The following DNAJA3 variants were observed in gnomAD, a reference collection of about 807,000 sequenced individuals.
DNAJA3 encodes the protein DnaJ heat shock protein family (Hsp40) member A3.
A neutral mutation model predicts 54.9 loss-of-function variants in DNAJA3; 29 were observed. The observed-to-expected ratio is 0.53, with a 90% CI of 0.39 to 0.72. The LOEUF (loss-of-function observed/expected upper bound fraction) is 0.72. Ranked by LOEUF, DNAJA3 falls within the 30% of genes least tolerant of loss-of-function variation. The pLI, the probability that DNAJA3 is intolerant of heterozygous loss-of-function variation, is 0.00. For missense variants in DNAJA3, 708 were observed against 639.4 expected (o/e 1.11, Z -1.16); for synonymous variants, 302 against 251.4 (o/e 1.20, Z -1.90).
chr16:4,454,914 A>G lies in DNAJA3; in HGVS notation c.1443A>G (p.Ter481TrpextTer12). ...LSKLKKMFTS* is the reference protein window; with the variant it reads ...LSKLKKMFTSW ...AACTTAAGAAAATGTTTACCTCATG[A>G]TATCCCAGCCGAGGTAGGAAAACCC... Residue 481 changes from the stop codon to tryptophan (W), a stop_lost, in exon 11 of 12, where the codon TGA (stop) becomes TGG (tryptophan). Coordinates refer to ENST00000262375, the MANE Select transcript of DNAJA3 (RefSeq NM_005147.6). 1 of 1,610,910 alleles carries G rather than the reference A, an allele frequency of 6.2e-7. No homozygotes were observed. Among genetic ancestry groups the G allele is most frequent in the Non-Finnish European group, 8.5e-7 (1 of 1,177,288 alleles).
intron 8 of DNAJA3, among the ~76,000 whole-genome samples, chr16:4,448,131 C>T (rs1266639558): frequency 2.7e-5 from 4 of 145,846 alleles, no homozygotes; most frequent in African/African-American, 5.2e-5. Context: ...CAGGTTCAAG[C>T]GATTCCCACC....
intron 4 of DNAJA3, among the ~76,000 whole-genome samples, chr16:4,441,783 T>G (rs550971602): frequency 9.9e-5 from 15 of 152,276 alleles, no homozygotes; most frequent in African/African-American, 3.1e-4. Flanking sequence ...TCTTAACAGT[T>G]GCATAATGAG....
chr16:4,443,750 G>C (rs540548380), intron 6 of DNAJA3, among the ~76,000 whole-genome samples: 36 of 151,368 alleles, frequency 2.4e-4, no homozygotes, highest in Admixed American at 7.2e-4. Context: ...GCAGTGGCCC[G>C]ATCTCGGCCC....
intron 1 of DNAJA3, among the ~76,000 whole-genome samples, chr16:4,428,282 G>A (rs1186352171): frequency 6.6e-6 from 1 of 152,062 alleles, no homozygotes; most frequent in Non-Finnish European, 1.5e-5. Context: ...CTCTTGCTCT[G>A]TTGCCCAGGC....
In DNAJA3 at chr16:4,445,917, CTTTTTTTTCTT is replaced by C. The variant is rs200222646; in HGVS notation, c.997-958_997-948del. 1.2e-3 allele frequency among the ~76,000 whole-genome samples: 173 copies of C among 149,374 alleles called. No homozygotes were observed. In the Middle Eastern group the frequency reaches 0.014, roughly 12 times the overall value. On this transcript the variant is annotated intron_variant, in intron 7 of 11. Transcript: ENST00000262375. ...TGCTTGTTATATTATTTACTCTTCC[CTTTTTTTTCTT>C]TTTTTTTTCTGGAAAGAGAGTCTTG... is the stretch of plus-strand genomic sequence containing the variant.
chr16:4,441,084 G>A (rs991200176), intron 3 of DNAJA3: 5 of 482,910 alleles, frequency 1.0e-5, no homozygotes, highest in Non-Finnish European at 1.8e-5. Flanking sequence ...AGAATCCAGG[G>A]TGCCTGTGAG....
intron 1 of DNAJA3, 67 bp downstream of exon 1, chr16:4,426,159 T>G: frequency 7.0e-7 from 1 of 1,423,736 alleles, no homozygotes; most frequent in Admixed American, 2.6e-5. Context: ...CTCCTCGCTG[T>G]GACTACGGCT....
At chr16:4,437,963 A>T (rs1396963557) in intron 3 of DNAJA3, among the ~76,000 whole-genome samples, 1 of 151,806 alleles carries the variant, frequency 6.6e-6, no homozygotes, top group Non-Finnish European at 1.5e-5. Context: ...CTCAAAAAAT[A>T]AAAAATTAAA....
At chr16:4,430,870 T>C (rs934302471) in intron 1 of DNAJA3, 8 of 151,958 alleles carry the variant, frequency 5.3e-5, no homozygotes, top group African/African-American at 1.7e-4. Context: ...ATGGTGAAAC[T>C]TCTTACCTAC....
intron 3 of DNAJA3, among the ~76,000 whole-genome samples, chr16:4,439,718 A>G (rs1596364615): frequency 6.6e-6 from 1 of 152,126 alleles, no homozygotes; most frequent in East Asian, 1.9e-4. Flanking sequence ...TTCCTTGGGA[A>G]GGGCTGGAAC....
chr16:4,442,123 A>G (rs2056843240), intron 4 of DNAJA3, 145 bp from the exon 5 acceptor site: 2 of 778,030 alleles, frequency 2.6e-6, no homozygotes, highest in East Asian at 2.8e-5. Flanking sequence ...AGTCCTACCT[A>G]TGCTTACTTG....
At chr16:4,442,064 T>C (rs1257677797) in intron 4 of DNAJA3, among the ~76,000 whole-genome samples, 2 of 152,222 alleles carry the variant, frequency 1.3e-5, no homozygotes, top group African/African-American at 4.8e-5. Flanking sequence ...ATTTAAGTCA[T>C]ACATTATCTC....
intron 3 of DNAJA3, 22 bp from the exon 4 acceptor site, chr16:4,441,352 AG>A (rs753015474): frequency 3.8e-6 from 6 of 1,599,824 alleles, no homozygotes; most frequent in Middle Eastern, 2.1e-4. Flanking sequence ...TGGGATGCCC[AG>A]TGGCTCTGCC....
intron 10 of DNAJA3, among the ~76,000 whole-genome samples, chr16:4,451,569 C>A (rs1219132058): frequency 6.6e-6 from 1 of 151,638 alleles, no homozygotes; most frequent in Non-Finnish European, 1.5e-5. Flanking sequence ...CCAGCCTGGA[C>A]AGCATGGCGA....
chr16:4,455,894 C>T lies in DNAJA3; in HGVS notation c.*362C>T, dbSNP rs2057030055. On this transcript the variant is annotated 3_prime_UTR_variant, in exon 12 of 12. Transcript: ENST00000262375. ...TCTTAGTTAAAGGCCATGCTTACAGCTTAGAAATGAAGCCTTAAGCTGCAT... is the reference window on the plus strand; with the variant it reads ...TCTTAGTTAAAGGCCATGCTTACAGTTTAGAAATGAAGCCTTAAGCTGCAT... 6.4e-6 allele frequency: 3 copies of T among 466,200 alleles called. No homozygotes were observed. The highest frequency in any genetic ancestry group is 3.3e-5 in the East Asian group (1 of 30,090). The allele number at this position is 466,200 out of a possible 1,614,324, so 28.9% of individuals were successfully genotyped here.
Position 4,443,051 on chromosome 16 carries a change from C to T in DNAJA3, c.818C>T (p.Ser273Phe). The T allele has an allele frequency of 6.2e-7, 1 of 1,614,032 alleles. No homozygotes were observed. The highest frequency in any genetic ancestry group is 8.5e-7 in the Non-Finnish European group (1 of 1,180,006). ...TINTGPFVMR[S>F]TCRRCGGRGS... ...AACACAGGCCCTTTTGTGATGCGTT[C>T]CACGTGTAGGAGATGTGGTGGCCGC... The change falls in exon 6 of 12, where the codon TCC becomes TTC. Residue 273 changes from serine to phenylalanine, a missense_variant. By Grantham distance (155) the Ser-to-Phe change is radical. Transcript: ENST00000262375.
At chr16:4,440,310 G>A (rs1479622370) in intron 3 of DNAJA3, 1 of 152,054 alleles carries the variant, frequency 6.6e-6, no homozygotes. Flanking sequence ...CAAAGTGAGG[G>A]CCAGGCACGG....
intron 11 of DNAJA3, among the ~76,000 whole-genome samples, chr16:4,455,330 C>A (rs1861652): frequency 3.3e-5 from 5 of 151,876 alleles, no homozygotes; most frequent in African/African-American, 1.2e-4. Context: ...GCGTGGACAG[C>A]GCAGGGCTGT....
At chr16:4,433,605 T>C (rs1402054268) in intron 1 of DNAJA3, among the ~76,000 whole-genome samples, 4 of 152,170 alleles carry the variant, frequency 2.6e-5, no homozygotes, top group Non-Finnish European at 5.9e-5. Context: ...CTTAAGTAGA[T>C]ACCCAAGGCT....
Sources: gnomAD v4.1 joint callset for allele counts (sites outside exome capture counted in the v4.1 genomes callset) on GRCh38, gnomAD v4.1.1 for gene constraint, MANE v1.5 for transcripts, NCBI Gene and HGNC (gene_info 2026-07-23, HGNC 2026-07-21) for gene names.